CYP2W1: variants seen among roughly 807,000 people sequenced by gnomAD.
CYP2W1 encodes the protein cytochrome P450 2W1.
CYP2W1 carries 51 observed loss-of-function variants against 44.9 expected under a neutral mutation model. The observed-to-expected ratio is 1.14, with a 90% CI of 0.91 to 1.43. The LOEUF (loss-of-function observed/expected upper bound fraction) is 1.43. Among genes scored for constraint, CYP2W1 ranks in the 40% most tolerant of loss-of-function variants. The probability of loss-of-function intolerance (pLI) is 0.00; values close to 1 mark genes in which losing one functional copy is unlikely to be tolerated. For missense variants in CYP2W1, 746 were observed against 700.0 expected (o/e 1.07, Z -0.74); for synonymous variants, 383 against 338.3 (o/e 1.13, Z -1.45).
chr7:988,181 G>A (rs1218854904), intron 7 of CYP2W1, 96 bp from the exon 8 acceptor site: 12 of 1,379,070 alleles, frequency 8.7e-6, no homozygotes, highest in Non-Finnish European at 1.2e-5. Context: ...TGTGGTGGGT[G>A]TGGCAGGAGC....
At chr7:987,634 C>G (rs1848469519) in intron 7 of CYP2W1, 103 bp downstream of exon 7, 1 of 1,132,602 alleles carries the variant, frequency 8.8e-7, no homozygotes, top group African/African-American at 1.6e-5. Flanking sequence ...TGCCTGATGG[C>G]CCAGCGCTCC....
At position 987,511 on chromosome 7, in the gene CYP2W1, G is replaced by A. The variant is rs1848459138; in HGVS notation, c.1123G>A (p.Gly375Ser). 6.5e-7 allele frequency: 1 copy of A among 1,532,498 alleles called. No homozygotes were observed. The highest frequency in any genetic ancestry group is 2.4e-5 in the East Asian group (1 of 41,076). The allele number at this position is 1,532,498 out of a possible 1,614,324, so 94.9% of individuals were successfully genotyped here. A position where few individuals can be genotyped will look rare whatever the true frequency, so the allele number is the denominator to read the frequency against. The change falls in exon 7 of 9, where the codon GGC becomes AGC. Residue 375 changes from glycine to serine, a missense_variant. Transcript: ENST00000308919. ...PRCTAADTQL[G>S]GFLLPKGTPV... ...CTGCACCGCGGCCGACACACAGCTGGGCGGCTTCCTGCTCCCCAAGGTGGG... is the reference window on the plus strand; with the variant it reads ...CTGCACCGCGGCCGACACACAGCTGAGCGGCTTCCTGCTCCCCAAGGTGGG...
In CYP2W1 at chr7:987,109, G is replaced by A; in HGVS notation, c.822G>A (p.Gly274=). 1.3e-6 allele frequency: 2 copies of A among 1,546,160 alleles called. No individual in the cohort carries two copies. Among genetic ancestry groups the A allele is most frequent in the South Asian group, 1.2e-5 (1 of 82,568 alleles). Residue 274 remains glycine (G), a splice_region_variant and synonymous_variant, in exon 6 of 9, where the codon GGG becomes GGA. Coordinates refer to ENST00000308919, the MANE Select transcript of CYP2W1 (RefSeq NM_017781.3). ...YVDALIQQGQ[G]DDPEGLFAEA... ...AGCCCTGCCCCACGCCTCTGCAGGG[G>A]GATGACCCCGAGGGCCTGTTTGCTG...
In CYP2W1 at chr7:987,456, G is replaced by A; in HGVS notation, c.1068G>A (p.Arg356=). The part of the protein sequence containing the change: ...YTSAVLHEVQ[R]FITLLPHVPR... ...GCGCCGTGCTCCACGAGGTGCAGCG[G>A]TTCATCACGCTCCTGCCGCACGTGC... The change falls in exon 7 of 9, where the codon CGG becomes CGA. Residue 356 remains arginine (R), a synonymous_variant. Transcript: ENST00000308919. 6.3e-7 allele frequency: 1 copy of A among 1,575,568 alleles called. No homozygotes were observed. Among genetic ancestry groups the A allele is most frequent in the Non-Finnish European group, 8.6e-7 (1 of 1,168,982 alleles).
In CYP2W1 at chr7:984,421, C is replaced by A; in HGVS notation, c.184C>A (p.Arg62Ser). The change falls in exon 2 of 9, where the codon CGC (arginine) becomes AGC (serine). Residue 62 changes from arginine to serine, a missense_variant. Transcript: ENST00000308919. ...CCGCCATCCCTGCCAGCTCTCAGAA[C>A]GCTACGGGCCGGTGTTCACCGTGCA... Reference protein sequence around the residue: ...QDRSLMELSERYGPVFTVHLG... With the variant: ...QDRSLMELSESYGPVFTVHLG... The A allele has an allele frequency of 6.5e-7, 1 of 1,547,900 alleles. No individual in the cohort carries two copies. Among genetic ancestry groups the A allele is most frequent in the Non-Finnish European group, 8.7e-7 (1 of 1,146,786 alleles).
chr7:986,850 C>T (rs1026988858), intron 5 of CYP2W1, 53 bp downstream of exon 5: 3 of 1,450,098 alleles, frequency 2.1e-6, no homozygotes, highest in African/African-American at 1.4e-5. Context: ...CTGAGGGACA[C>T]CCCAGGGGAG....
rs749666398 is a variant in CYP2W1, at chr7:988,383, T to C, written c.1250T>C (p.Phe417Ser). 2.5e-6 allele frequency: 4 copies of C among 1,612,620 alleles called. No individual in the cohort carries two copies. The highest frequency in any genetic ancestry group is 3.4e-6 in the Non-Finnish European group (4 of 1,179,816). ...CATTTCCTGGACGCGAATGGGCACT[T>C]TGTGAAGCGGGAGGCCTTCCTGCCT... Reference protein sequence around the residue: ...PGHFLDANGHFVKREAFLPFS... With the variant: ...PGHFLDANGHSVKREAFLPFS... Residue 417 changes from phenylalanine to serine, a missense_variant, in exon 8 of 9, where the codon TTT (phenylalanine) becomes TCT (serine). Transcript: ENST00000308919.
intron 4 of CYP2W1, 45 bp from the exon 5 acceptor site, chr7:986,579 C>T: frequency 1.2e-6 from 2 of 1,605,684 alleles, no homozygotes; most frequent in South Asian, 1.1e-5. Flanking sequence ...AGCGTGCAGC[C>T]CTGGGGCTGC....
chr7:984,563 A>G lies in CYP2W1; in HGVS notation c.326A>G (p.Gln109Arg), dbSNP rs756831513. 97 of 1,561,392 alleles carry G rather than the reference A, an allele frequency of 6.2e-5. No homozygotes were observed. Among genetic ancestry groups the G allele is most frequent in the Non-Finnish European group, 8.3e-5 (96 of 1,156,084 alleles). Residue 109 changes from glutamine to arginine, a missense_variant, in exon 2 of 9, where the codon CAG becomes CGG. By Grantham distance (43) the Gln-to-Arg change is conservative. Transcript: ENST00000308919. ...CCCATCGCCATCTTCCAGCTCATCCAGCGAGGTGGAGGTCGGTGTGTGGCC... is the reference window on the plus strand; with the variant it reads ...CCCATCGCCATCTTCCAGCTCATCCGGCGAGGTGGAGGTCGGTGTGTGGCC... The part of the protein sequence containing the change: ...RPPIAIFQLI[Q>R]RGGGIFFSSG...
chr7:984,351 G>T, intron 1 of CYP2W1, 61 bp from the exon 2 acceptor site: 1 of 1,466,400 alleles, frequency 6.8e-7, no homozygotes, highest in South Asian at 1.2e-5. Context: ...CCGGCCTGAG[G>T]GGACCTAAGG....
In CYP2W1 at chr7:986,380, G is replaced by C. The variant is rs939357564; in HGVS notation, c.646-244G>C. The stretch of plus-strand genomic sequence containing the variant: ...AGCTGCCTCCCTCCTCCCTCTCCAG[G>C]ATGGAAGGAGGTCCTGCTGTGCAAA... On this transcript the variant is annotated intron_variant, in intron 4 of 8. Coordinates refer to ENST00000308919, the MANE Select transcript of CYP2W1 (RefSeq NM_017781.3). 30 of 563,330 alleles carry C rather than the reference G, an allele frequency of 5.3e-5. No individual in the cohort carries two copies. In the Admixed American group the frequency reaches 9.3e-4, roughly 17 times the overall value. The allele number at this position is 563,330 out of a possible 1,614,324, so 34.9% of individuals were successfully genotyped here. A position where few individuals can be genotyped will look rare whatever the true frequency, so the allele number is the denominator to read the frequency against.
Position 987,094 on chromosome 7 carries a change from C to G in CYP2W1, c.820-13C>G, listed in dbSNP as rs755501387. On this transcript the variant is annotated splice_polypyrimidine_tract_variant and intron_variant, in intron 5 of 8. Transcript: ENST00000308919. Reference sequence around the variant, plus strand: ...CCAGATCATCCCACGAGCCCTGCCCCACGCCTCTGCAGGGGGATGACCCCG... The same window carrying G: ...CCAGATCATCCCACGAGCCCTGCCCGACGCCTCTGCAGGGGGATGACCCCG... 7 of 1,518,594 alleles carry G rather than the reference C, an allele frequency of 4.6e-6. No individual in the cohort carries two copies. The highest frequency in any genetic ancestry group is 6.2e-6 in the Non-Finnish European group (7 of 1,131,042). 94.1% of individuals were successfully genotyped at this position (1,518,594 alleles called of 1,614,324 possible). A position where few individuals can be genotyped will look rare whatever the true frequency, so the allele number is the denominator to read the frequency against.
At chr7:988,085 T>C (rs1302469627) in intron 7 of CYP2W1, among the ~76,000 whole-genome samples, 192 bp from the exon 8 acceptor site, 1 of 151,894 alleles carries the variant, frequency 6.6e-6, no homozygotes, top group Non-Finnish European at 1.5e-5. Context: ...GTCCTCTCTA[T>C]CCTTGGGGCC....
chr7:987,230 C>A lies in CYP2W1; in HGVS notation c.943C>A (p.His315Asn). ...GTGGGCCGCACTTCTGATGGGCCGG[C>A]ACCCGGACGTGCAGGGTGAGACCCC... is the stretch of plus-strand genomic sequence containing the variant. ...LQWAALLMGR[H>N]PDVQGRVQEE... Residue 315 changes from histidine (H) to asparagine (N), a missense_variant, in exon 6 of 9, where the codon CAC (histidine) becomes AAC (asparagine). Coordinates refer to ENST00000308919, the MANE Select transcript of CYP2W1 (RefSeq NM_017781.3). 1 of 1,534,560 alleles carries A rather than the reference C, an allele frequency of 6.5e-7. No individual in the cohort carries two copies. The highest frequency in any genetic ancestry group is 8.8e-7 in the Non-Finnish European group (1 of 1,139,740).
At position 985,284 on chromosome 7, in the gene CYP2W1, C is replaced by T. The variant is rs201772103; in HGVS notation, c.606C>T (p.Ile202=). Residue 202 remains isoleucine, a synonymous_variant, in exon 4 of 9, where the codon ATC becomes ATT. Coordinates refer to ENST00000308919, the MANE Select transcript of CYP2W1 (RefSeq NM_017781.3). The part of the protein sequence containing the change: ...DPVFVSLLGL[I]DEVMVLLGSP... ...TGTTTGTGTCCCTGCTGGGTCTCAT[C>T]GATGAGGTCATGGTCCTCTTGGGGT... 7 of 1,551,678 alleles carry T rather than the reference C, an allele frequency of 4.5e-6. No individual in the cohort carries two copies. The highest frequency in any genetic ancestry group is 3.6e-5 in the South Asian group (3 of 84,158).
chr7:986,705 A>G lies in CYP2W1; in HGVS notation c.727A>G (p.Ile243Val), dbSNP rs202178680. The change falls in exon 5 of 9, where the codon ATT (isoleucine) becomes GTT (valine). Residue 243 changes from isoleucine (I) to valine (V), a missense_variant. Coordinates refer to ENST00000308919, the MANE Select transcript of CYP2W1 (RefSeq NM_017781.3). ...VLRKIEEVRA[I>V]LRTLLEARRP... ...GCGCAAGATCGAGGAGGTCCGTGCCATTCTGAGGACCCTCCTGGAGGCGCG... is the reference window on the plus strand; with the variant it reads ...GCGCAAGATCGAGGAGGTCCGTGCCGTTCTGAGGACCCTCCTGGAGGCGCG... 1.5e-5 allele frequency: 24 copies of G among 1,612,310 alleles called. No homozygotes were observed. The highest frequency in any genetic ancestry group is 1.9e-5 in the Non-Finnish European group (22 of 1,179,728).
In CYP2W1 at chr7:988,954, C is replaced by A. The variant is rs1486164670; in HGVS notation, c.*132C>A. On this transcript the variant is annotated 3_prime_UTR_variant, in exon 9 of 9. Coordinates refer to ENST00000308919, the MANE Select transcript of CYP2W1 (RefSeq NM_017781.3). ...GAGGACTCCCACCCTCACCCCCACC[C>A]CCACAGGGTCAGCAACTGCTTCCGG... 21 of 621,494 alleles carry A rather than the reference C, an allele frequency of 3.4e-5. No individual in the cohort carries two copies. Among genetic ancestry groups the A allele is most frequent in the South Asian group, 4.1e-5 (2 of 49,024 alleles). 38.5% of individuals were successfully genotyped at this position (621,494 alleles called of 1,614,324 possible).
chr7:984,286 G>GC, intron 1 of CYP2W1, 126 bp from the exon 2 acceptor site: 1 of 1,279,068 alleles, frequency 7.8e-7, no homozygotes. Context: ...ATCTAGGCGT[G>GC]CCCCCTCCAC....
chr7:988,594 G>A (rs866676769), intron 8 of CYP2W1, 41 bp from the exon 9 acceptor site: 2 of 1,601,532 alleles, frequency 1.2e-6, no homozygotes, highest in Middle Eastern at 1.7e-4. Flanking sequence ...TCCAGGAGCA[G>A]GCCTGGTGCA....
Sources: gnomAD v4.1 joint callset for allele counts (sites outside exome capture counted in the v4.1 genomes callset) on GRCh38, gnomAD v4.1.1 for gene constraint, MANE v1.5 for transcripts, NCBI Gene and HGNC (gene_info 2026-07-23, HGNC 2026-07-21) for gene names.